NRG1: variants seen among roughly 807,000 people sequenced by gnomAD.
NRG1 encodes pro-neuregulin-1, membrane-bound isoform.
Under a neutral mutation model 63.8 loss-of-function variants are expected in NRG1, and 18 were observed. The ratio of observed to expected loss-of-function variants is 0.28; its 90% CI spans 0.19 to 0.42. The LOEUF (loss-of-function observed/expected upper bound fraction) is 0.42, where lower values mean the gene tolerates loss of function less well. NRG1 is among the 10% of genes least tolerant of loss of function. The pLI, the probability that NRG1 is intolerant of heterozygous loss-of-function variation, is 1.00. For synonymous variants in NRG1, 302 were observed against 301.3 expected (o/e 1.00, Z -0.02); for missense variants, 762 against 814.7 (o/e 0.94, Z 0.79).
At chr8:32,370,763 C>G (rs1281467504) in intron 1 of NRG1, among the ~76,000 whole-genome samples, 1 of 134,316 alleles carries the variant, frequency 7.4e-6, no homozygotes, top group Admixed American at 8.6e-5. Flanking sequence ...GAGGCTGAGA[C>G]AGGAGAATTG....
chr8:32,262,918 C>G (rs939324378), intron 1 of NRG1, among the ~76,000 whole-genome samples: 4 of 152,134 alleles, frequency 2.6e-5, no homozygotes, highest in Non-Finnish European at 5.9e-5. Context: ...CCACTCATAC[C>G]ATCCCTTTAT....
intron 5 of NRG1, among the ~76,000 whole-genome samples, chr8:32,624,205 T>G (rs529909863): frequency 1.3e-5 from 2 of 152,348 alleles, no homozygotes; most frequent in South Asian, 4.1e-4. Flanking sequence ...CAGCACATTT[T>G]AGGGAAGAAT....
intron 5 of NRG1, among the ~76,000 whole-genome samples, chr8:32,705,241 C>G (rs1391301154): frequency 6.6e-6 from 1 of 151,464 alleles, no homozygotes; most frequent in Non-Finnish European, 1.5e-5. Context: ...ACACCTTTCT[C>G]CTGCCTCAGC....
intron 1 of NRG1, among the ~76,000 whole-genome samples, chr8:32,328,824 C>G (rs948104532): frequency 1.3e-5 from 2 of 152,066 alleles, no homozygotes; most frequent in Non-Finnish European, 2.9e-5. Context: ...ATTATAGATT[C>G]CTCTTTGCTG....
At chr8:32,471,165 C>A (rs958454097) in intron 1 of NRG1, among the ~76,000 whole-genome samples, 3 of 152,176 alleles carry the variant, frequency 2.0e-5, no homozygotes, top group Non-Finnish European at 2.9e-5. Flanking sequence ...TGTCCCATTT[C>A]TAATTCAGAC....
At chr8:32,121,887 CT>C (rs1365889426) in intron 1 of NRG1, among the ~76,000 whole-genome samples, 6 of 152,120 alleles carry the variant, frequency 3.9e-5, no homozygotes, top group Middle Eastern at 3.4e-3. Flanking sequence ...GAAAAGGGAA[CT>C]TAGCAAAAAT....
chr8:32,680,878 AT>A (rs564355961), intron 5 of NRG1, among the ~76,000 whole-genome samples: 17 of 151,234 alleles, frequency 1.1e-4, no homozygotes, highest in African/African-American at 2.4e-4. Flanking sequence ...TGACCTAGGT[AT>A]TTTTTTTTAC....
At chr8:32,392,829 T>C (rs1484546144) in intron 1 of NRG1, among the ~76,000 whole-genome samples, 1 of 152,168 alleles carries the variant, frequency 6.6e-6, no homozygotes, top group African/African-American at 2.4e-5. Flanking sequence ...GATCAGTTTT[T>C]ATGGGAAACC....
At chr8:32,347,105 G>A (rs951877740) in intron 1 of NRG1, among the ~76,000 whole-genome samples, 2 of 151,884 alleles carry the variant, frequency 1.3e-5, no homozygotes, top group Admixed American at 6.6e-5. Context: ...CTGGGATTAC[G>A]GGCATGAGCC....
chr8:32,453,885 G>C (rs760273932), intron 1 of NRG1, among the ~76,000 whole-genome samples: 20 of 152,190 alleles, frequency 1.3e-4, no homozygotes, highest in Non-Finnish European at 2.5e-4. Context: ...ACATCAGACT[G>C]TGGTGCAGAG....
intron 1 of NRG1, among the ~76,000 whole-genome samples, chr8:31,992,509 T>C (rs984170199): frequency 6.6e-6 from 1 of 151,970 alleles, no homozygotes; most frequent in Non-Finnish European, 1.5e-5. Context: ...GGGAATACTG[T>C]GGGAAGAGAG....
chr8:31,834,306 C>CAT (rs1436069813), intron 1 of NRG1, among the ~76,000 whole-genome samples: 2 of 31,244 alleles, frequency 6.4e-5, no homozygotes, highest in Admixed American at 4.1e-4. Flanking sequence ...CGCGCACGCG[C>CAT]GCACACACAC....
At chr8:31,940,719 T>C (rs1043732589) in intron 1 of NRG1, among the ~76,000 whole-genome samples, 23 of 152,036 alleles carry the variant, frequency 1.5e-4, no homozygotes, top group Admixed American at 7.2e-4. Flanking sequence ...TGGGAGATAC[T>C]ACAGCCAATA....
intron 3 of NRG1, among the ~76,000 whole-genome samples, chr8:32,608,701 T>G (rs1845776571): frequency 6.6e-6 from 1 of 151,780 alleles, no homozygotes; most frequent in Non-Finnish European, 1.5e-5. Flanking sequence ...AATGCGAGTT[T>G]GTGGCTTTTC....
intron 6 of NRG1, among the ~76,000 whole-genome samples, chr8:32,732,037 C>A (rs59683732): frequency 0.11 from 16,740 of 152,138 alleles, 993 homozygotes; most frequent in African/African-American, 0.12. Flanking sequence ...CTGCTTAGAA[C>A]AAGGTGTTTC....
chr8:32,695,731 T>C (rs928991645), intron 5 of NRG1, among the ~76,000 whole-genome samples: 1 of 152,228 alleles, frequency 6.6e-6, no homozygotes, highest in African/African-American at 2.4e-5. Flanking sequence ...CAGAACGACC[T>C]TCTTTTTGCT....
chr8:32,205,080 G>A (rs1006315550), intron 1 of NRG1, among the ~76,000 whole-genome samples: 14 of 152,164 alleles, frequency 9.2e-5, no homozygotes, highest in African/African-American at 3.1e-4. Context: ...AGAAGTAGAC[G>A]TGATATGTTG....
At chr8:32,202,761 A>G (rs568735240) in intron 1 of NRG1, among the ~76,000 whole-genome samples, 2 of 151,446 alleles carry the variant, frequency 1.3e-5, no homozygotes, top group Non-Finnish European at 2.9e-5. Context: ...CTTGACCTTC[A>G]GACACTTCCT....
At chr8:32,499,843 G>C (rs1487143475) in intron 1 of NRG1, among the ~76,000 whole-genome samples, 1 of 152,100 alleles carries the variant, frequency 6.6e-6, no homozygotes, top group Admixed American at 6.5e-5. Context: ...TTTGAAGTTA[G>C]GTTCAGTTGT....
Sources: allele counts gnomAD v4.1 joint callset (sites outside exome capture counted in the v4.1 genomes callset), GRCh38; gene constraint gnomAD v4.1.1; transcripts MANE v1.5; gene names NCBI Gene and HGNC (gene_info 2026-07-23, HGNC 2026-07-21).